The following PCDH15 variants were observed in gnomAD, a reference collection of about 807,000 sequenced individuals.
The protein encoded by PCDH15 is protocadherin-15.
In PCDH15, 129 loss-of-function variants were observed where a neutral mutation model predicts 178.5. The ratio of observed to expected loss-of-function variants is 0.72; its 90% CI spans 0.63 to 0.84. The LOEUF (loss-of-function observed/expected upper bound fraction) is 0.84. Among genes scored for constraint, PCDH15 ranks in the 40% least tolerant of loss-of-function variants. The probability of loss-of-function intolerance (pLI) is 0.00; values close to 1 mark genes in which losing one functional copy is unlikely to be tolerated. For missense variants in PCDH15, 2,230 were observed against 2,099.9 expected (o/e 1.06, Z -1.21); for synonymous variants, 800 against 732.0 (o/e 1.09, Z -1.50).
intron 1 of PCDH15, among the ~76,000 whole-genome samples, chr10:55,185,113 A>T (rs1839757897): frequency 6.6e-6 from 1 of 151,872 alleles, no homozygotes; most frequent in African/African-American, 2.4e-5. Context: ...CATAGTGAAA[A>T]CAATGTTTAA....
chr10:54,762,056 C>T (rs1194747996), intron 1 of PCDH15, among the ~76,000 whole-genome samples: 1 of 152,030 alleles, frequency 6.6e-6, no homozygotes, highest in African/African-American at 2.4e-5. Flanking sequence ...TTCTCCTTAC[C>T]ATAAAGTGAG....
intron 25 of PCDH15, among the ~76,000 whole-genome samples, chr10:53,912,634 A>T (rs1395124633): frequency 6.6e-6 from 1 of 152,194 alleles, no homozygotes; most frequent in African/African-American, 2.4e-5. Flanking sequence ...AATCACAAGC[A>T]TTCCTATACA....
chr10:54,382,764 T>G lies in PCDH15; in HGVS notation c.158-3822A>C, dbSNP rs1239577363. ...CCCTGACAATTCCTTGATTATACTC[T>G]TGTGAAACCTTAAGCAGAGTACCTG... On this transcript the variant is annotated intron_variant, in intron 3 of 37. Coordinates refer to ENST00000644397, the MANE Select transcript of PCDH15 (RefSeq NM_001384140.1). 2.6e-5 allele frequency among the ~76,000 whole-genome samples: 4 copies of G among 152,148 alleles called. No homozygotes were observed. The East Asian group carries it at 7.7e-4, about 29-fold the overall frequency.
chr10:54,423,958 G>C (rs941882923), intron 3 of PCDH15, among the ~76,000 whole-genome samples: 5 of 151,850 alleles, frequency 3.3e-5, no homozygotes, highest in Non-Finnish European at 7.4e-5. Flanking sequence ...GCATGGGCAA[G>C]GACTTCATGT....
At chr10:54,668,766 C>T (rs536444595) in intron 1 of PCDH15, among the ~76,000 whole-genome samples, 9 of 152,258 alleles carry the variant, frequency 5.9e-5, no homozygotes, top group Non-Finnish European at 1.5e-5. Flanking sequence ...TAAACACTAA[C>T]TTTCTTGAGA....
At chr10:55,238,145 C>CTTTT (rs758000610) in intron 1 of PCDH15, among the ~76,000 whole-genome samples, 29 of 124,456 alleles carry the variant, frequency 2.3e-4, no homozygotes, top group Middle Eastern at 4.5e-3. Context: ...TTCATATTTT[C>CTTTT]TTTTTTTTTT....
intron 3 of PCDH15, among the ~76,000 whole-genome samples, chr10:54,412,743 G>A (rs141725898): frequency 4.6e-5 from 7 of 151,980 alleles, no homozygotes; most frequent in East Asian, 3.9e-4. Context: ...CTTTTTTTGC[G>A]ACAGAGTCTC....
intron 2 of PCDH15, 41 bp downstream of exon 2, chr10:54,664,131 A>C (rs1328687139): frequency 6.9e-7 from 1 of 1,444,386 alleles, no homozygotes; most frequent in East Asian, 2.3e-5. Context: ...AATAATAAAA[A>C]TCCTGGCTCG....
chr10:54,221,869 C>T (rs974058006), intron 9 of PCDH15, among the ~76,000 whole-genome samples: 1 of 152,182 alleles, frequency 6.6e-6, no homozygotes, highest in Non-Finnish European at 1.5e-5. Context: ...TCCCAATGTG[C>T]TGGGATTACA....
In PCDH15 at chr10:53,828,004, G is replaced by A. The variant is rs559287407; in HGVS notation, c.4212-456C>T. Among the ~76,000 whole-genome samples the A allele has an allele frequency of 3.3e-5, 5 of 151,944 alleles. No individual in the cohort carries two copies. The South Asian group carries it at 1.0e-3, about 32-fold the overall frequency. ...TATTTCACAGAGGCTGTACACACAT[G>A]TACAAGGGAAATTTGGTTAGCTTGT... On this transcript the variant is annotated intron_variant, in intron 31 of 37. Coordinates refer to ENST00000644397, the MANE Select transcript of PCDH15 (RefSeq NM_001384140.1).
At chr10:55,556,296 T>C (rs372630894) in intron 2 of PCDH15, among the ~76,000 whole-genome samples, 5 of 152,284 alleles carry the variant, frequency 3.3e-5, no homozygotes, top group African/African-American at 9.6e-5. Flanking sequence ...CTGGTTTTCA[T>C]AGAAGACAGT....
chr10:54,355,038 T>G (rs1319079371), intron 5 of PCDH15, among the ~76,000 whole-genome samples: 1 of 150,050 alleles, frequency 6.7e-6, no homozygotes, highest in Non-Finnish European at 1.5e-5. Context: ...TAAGTGTATC[T>G]CTACACTTTC....
chr10:55,400,510 T>C (rs1247918624), intron 2 of PCDH15, among the ~76,000 whole-genome samples: 1 of 152,118 alleles, frequency 6.6e-6, no homozygotes. Context: ...ATTTATGGCT[T>C]CTGTATTTGT....
At chr10:54,684,311 G>T (rs1051133051) in intron 1 of PCDH15, among the ~76,000 whole-genome samples, 1 of 151,670 alleles carries the variant, frequency 6.6e-6, no homozygotes. Context: ...TAGAATATTT[G>T]CTATGTACCT....
At chr10:54,829,618 C>T (rs1037708242) in intron 3 of PCDH15, among the ~76,000 whole-genome samples, 17 of 152,006 alleles carry the variant, frequency 1.1e-4, no homozygotes, top group African/African-American at 4.1e-4. Context: ...TTGTGCTCAA[C>T]TCCAAAGGCA....
chr10:54,284,268 C>A (rs758735778), intron 8 of PCDH15, among the ~76,000 whole-genome samples: 3 of 152,102 alleles, frequency 2.0e-5, no homozygotes, highest in Non-Finnish European at 4.4e-5. Flanking sequence ...AATTTTGTTT[C>A]TTTTTAAATC....
Position 53,959,731 on chromosome 10 carries a change from C to A in PCDH15, c.3122+1G>T, listed in dbSNP as rs982893820. 1.2e-6 allele frequency: 2 copies of A among 1,605,758 alleles called. No individual in the cohort carries two copies. Among genetic ancestry groups the A allele is most frequent in the Non-Finnish European group, 1.7e-6 (2 of 1,172,672 alleles). On this transcript the variant is annotated splice_donor_variant, in intron 23 of 37. Coordinates refer to ENST00000644397, the MANE Select transcript of PCDH15 (RefSeq NM_001384140.1). LOFTEE classifies it high-confidence loss of function. ...TTTCAAAATCGGACAGAAATCAATA[C>A]CTATATTCCTCCTGTGTGAAGCGTG... is the stretch of plus-strand genomic sequence containing the variant.
At position 55,491,697 on chromosome 10, in the gene PCDH15, G is replaced by C. The variant is rs1840422936; in HGVS notation, c.-156+135928C>G. Reference sequence around the variant, plus strand: ...ATTGTTATTTTCAATCTTACACATGGAGCTCTTCAAATTCTGTTCTAAATA... The same window carrying C: ...ATTGTTATTTTCAATCTTACACATGCAGCTCTTCAAATTCTGTTCTAAATA... On this transcript the variant is annotated intron_variant, in intron 2 of 5. Coordinates refer to the PCDH15 transcript ENST00000613346. Among the ~76,000 whole-genome samples the C allele has an allele frequency of 2.0e-5, 3 of 148,174 alleles. No homozygotes were observed. In the Admixed American group the frequency reaches 2.0e-4, roughly 10 times the overall value.
chr10:54,987,176 C>T (rs374099425), intron 2 of PCDH15, among the ~76,000 whole-genome samples: 47 of 152,270 alleles, frequency 3.1e-4, no homozygotes, highest in African/African-American at 9.6e-4. Context: ...TCATCCGTGT[C>T]CCTGCAGAGG....
Sources: allele counts gnomAD v4.1 joint callset (sites outside exome capture counted in the v4.1 genomes callset), GRCh38; gene constraint gnomAD v4.1.1; transcripts MANE v1.5; gene names NCBI Gene and HGNC (gene_info 2026-07-23, HGNC 2026-07-21).